ST18: variants seen among roughly 807,000 people sequenced by gnomAD.
ST18 encodes the protein suppression of tumorigenicity 18 protein.
A neutral mutation model predicts 110.0 loss-of-function variants in ST18; 50 were observed. The observed-to-expected ratio is 0.45, with a 90% confidence interval of 0.36 to 0.58. ST18 has a LOEUF of 0.58. Among genes scored for constraint, ST18 ranks in the 20% least tolerant of loss-of-function variants. The pLI is 0.00. For missense variants in ST18, 1,306 were observed against 1,280.1 expected (o/e 1.02, Z -0.31); for synonymous variants, 461 against 452.4 (o/e 1.02, Z -0.24).
chr8:52,371,782 A>C, intron 2 of ST18, among the ~76,000 whole-genome samples: 1 of 152,212 alleles, frequency 6.6e-6, no homozygotes, highest in East Asian at 1.9e-4. Flanking sequence ...GTGATGTCAC[A>C]GCCATCCTGA....
At chr8:52,176,804 T>C (rs571724465) in intron 9 of ST18, among the ~76,000 whole-genome samples, 37 of 152,354 alleles carry the variant, frequency 2.4e-4, no homozygotes, top group Non-Finnish European at 4.4e-4. Flanking sequence ...TCTCCTTTAG[T>C]AACACTGGAT....
chr8:52,308,125 T>A (rs1437551612), intron 2 of ST18, among the ~76,000 whole-genome samples: 1 of 152,188 alleles, frequency 6.6e-6, no homozygotes, highest in African/African-American at 2.4e-5. Context: ...TGAGCATGCA[T>A]CAAACTGTTC....
chr8:52,155,691 G>A (rs893900226), intron 15 of ST18, among the ~76,000 whole-genome samples: 3 of 152,130 alleles, frequency 2.0e-5, no homozygotes, highest in African/African-American at 4.8e-5. Context: ...TTTAGAGTGT[G>A]TAGGAAATCA....
chr8:52,160,392 C>T (rs2061124117), intron 14 of ST18, among the ~76,000 whole-genome samples: 1 of 152,132 alleles, frequency 6.6e-6, no homozygotes, highest in Admixed American at 6.5e-5. Context: ...AGTCTGTTTA[C>T]TACTGGGTTT....
chr8:52,143,707 A>C (rs752204567), intron 16 of ST18, among the ~76,000 whole-genome samples: 1 of 152,200 alleles, frequency 6.6e-6, no homozygotes, highest in East Asian at 1.9e-4. Context: ...CTCCCTAGAG[A>C]GCACAGGAAT....
chr8:52,387,143 C>A (rs962126967), intron 2 of ST18, among the ~76,000 whole-genome samples: 5 of 152,124 alleles, frequency 3.3e-5, no homozygotes, highest in African/African-American at 1.2e-4. Flanking sequence ...ATCCATCTAT[C>A]CCTCCTTTCC....
intron 8 of ST18, among the ~76,000 whole-genome samples, chr8:52,209,782 A>AT (rs1307520444): frequency 2.9e-4 from 40 of 138,842 alleles, no homozygotes; most frequent in African/African-American, 9.7e-4. Flanking sequence ...AAAAAAAAAA[A>AT]AAAAAAATAT....
chr8:52,217,899 T>C lies in ST18; in HGVS notation c.-154A>G, dbSNP rs2084971579. ...TTAGGCTGAAGAGGAAGTCCTGGAA[T>C]TGCTGTTTTGTGGGAGGGAAGAGAT... On this transcript the variant is annotated splice_region_variant and 5_prime_UTR_variant, in exon 6 of 26. Coordinates refer to ENST00000689386, the MANE Select transcript of ST18 (RefSeq NM_001352837.2). 1 of 152,282 alleles carries C rather than the reference T, an allele frequency of 6.6e-6. No homozygotes were observed. The highest frequency in any genetic ancestry group is 1.9e-4 in the East Asian group (1 of 5,184). The allele number at this position is 152,282 out of a possible 1,614,324, so 9.4% of individuals were successfully genotyped here.
At chr8:52,388,494 G>A (rs1837782590) in intron 2 of ST18, among the ~76,000 whole-genome samples, 1 of 152,144 alleles carries the variant, frequency 6.6e-6, no homozygotes. Flanking sequence ...GAATAAAAGT[G>A]CTAGCGTTTT....
At chr8:52,150,660 G>A (rs2058590232) in intron 15 of ST18, among the ~76,000 whole-genome samples, 1 of 152,178 alleles carries the variant, frequency 6.6e-6, no homozygotes, top group Admixed American at 6.5e-5. Flanking sequence ...CTGACAGCCT[G>A]ACTGAGGTTG....
At chr8:52,176,915 G>C in intron 9 of ST18, among the ~76,000 whole-genome samples, 1 of 152,178 alleles carries the variant, frequency 6.6e-6, no homozygotes, top group African/African-American at 2.4e-5. Context: ...ATTTTGCTGG[G>C]AATAAAAGCC....
intron 2 of ST18, among the ~76,000 whole-genome samples, chr8:52,352,589 A>C (rs996624586): frequency 6.6e-6 from 1 of 152,186 alleles, no homozygotes; most frequent in Non-Finnish European, 1.5e-5. Context: ...TTTCCAGGTG[A>C]ATATAGACAT....
chr8:52,309,364 T>C (rs1021820897), intron 2 of ST18, among the ~76,000 whole-genome samples: 17 of 151,908 alleles, frequency 1.1e-4, no homozygotes, highest in African/African-American at 4.1e-4. Context: ...CTACTAAAAA[T>C]ACAAAAATCC....
chr8:52,162,703 A>G (rs1009329736), intron 13 of ST18, among the ~76,000 whole-genome samples: 1 of 152,224 alleles, frequency 6.6e-6, no homozygotes, highest in Non-Finnish European at 1.5e-5. Context: ...AGGGCATCAG[A>G]TTTGTGTAGC....
intron 2 of ST18, among the ~76,000 whole-genome samples, chr8:52,338,849 T>C (rs1289768442): frequency 6.6e-6 from 1 of 151,998 alleles, no homozygotes; most frequent in Admixed American, 6.6e-5. Context: ...TCAATCCTCC[T>C]ACCTCAGTCT....
intron 12 of ST18, 129 bp from the exon 13 acceptor site, chr8:52,164,219 GCACA>G: frequency 1.3e-6 from 1 of 742,316 alleles, no homozygotes; most frequent in Non-Finnish European, 2.3e-6. Flanking sequence ...TTAGCACCAC[GCACA>G]CACTGAAAGA....
chr8:52,341,373 G>A (rs1564532341), intron 2 of ST18, among the ~76,000 whole-genome samples: 2 of 152,174 alleles, frequency 1.3e-5, no homozygotes, highest in Admixed American at 6.5e-5. Flanking sequence ...AATCTAAAAT[G>A]TCTAAAAATT....
At chr8:52,189,725 GATACCT>G (rs926352767) in intron 8 of ST18, among the ~76,000 whole-genome samples, 10 of 152,174 alleles carry the variant, frequency 6.6e-5, no homozygotes, top group Non-Finnish European at 1.5e-5. Context: ...TGTCCGAGTT[GATACCT>G]AGGGACTGAA....
intron 2 of ST18, among the ~76,000 whole-genome samples, chr8:52,320,241 A>T (rs1163635907): frequency 6.6e-6 from 1 of 152,194 alleles, no homozygotes; most frequent in Non-Finnish European, 1.5e-5. Flanking sequence ...ATATGTGTGT[A>T]TATATTTTTG....
Sources: gnomAD v4.1 joint callset for allele counts (sites outside exome capture counted in the v4.1 genomes callset) on GRCh38, gnomAD v4.1.1 for gene constraint, MANE v1.5 for transcripts, NCBI Gene and HGNC (gene_info 2026-07-23, HGNC 2026-07-21) for gene names.